The following NLGN1 variants were observed in gnomAD, a reference collection of about 807,000 sequenced individuals.
NLGN1 encodes neuroligin 1.
Under a neutral mutation model 65.5 loss-of-function variants are expected in NLGN1, and 12 were observed. That is an observed-to-expected ratio of 0.18 (90% confidence interval 0.12 to 0.30). The LOEUF (loss-of-function observed/expected upper bound fraction) is 0.30. NLGN1 is among the 10% of genes least tolerant of loss of function. The pLI is 1.00. For missense variants in NLGN1, 750 were observed against 1,007.1 expected, an observed-to-expected ratio of 0.74 and a Z score of 3.46; for synonymous variants, 350 against 359.5, an observed-to-expected ratio of 0.97 and a Z score of 0.30.
At chr3:173,924,149 T>A (rs753329923) in intron 4 of NLGN1, among the ~76,000 whole-genome samples, 4 of 152,136 alleles carry the variant, frequency 2.6e-5, no homozygotes, top group Non-Finnish European at 5.9e-5. Flanking sequence ...TTAGTAATCA[T>A]CAAATGTATT....
chr3:174,096,045 A>G (rs1745465786), intron 4 of NLGN1, among the ~76,000 whole-genome samples: 1 of 151,806 alleles, frequency 6.6e-6, no homozygotes, highest in Non-Finnish European at 1.5e-5. Context: ...ATAATTTTAT[A>G]AACACCATCA....
At chr3:173,559,968 G>A (rs1381184078) in intron 2 of NLGN1, among the ~76,000 whole-genome samples, 2 of 125,570 alleles carry the variant, frequency 1.6e-5, no homozygotes, top group Admixed American at 9.4e-5. Flanking sequence ...TTTTTGAGAC[G>A]AGTCTCGCTC....
intron 4 of NLGN1, among the ~76,000 whole-genome samples, chr3:174,227,447 A>G (rs2152812929): frequency 6.6e-6 from 1 of 151,960 alleles, no homozygotes; most frequent in African/African-American, 2.4e-5. Context: ...CAGGATTCAA[A>G]CACAATTCTC....
chr3:174,201,825 A>C (rs1249453834), intron 4 of NLGN1, among the ~76,000 whole-genome samples: 2 of 152,086 alleles, frequency 1.3e-5, no homozygotes, highest in African/African-American at 4.8e-5. Flanking sequence ...GTTCCACAGC[A>C]CTTATTTCCC....
chr3:173,743,417 T>G (rs1774930286), intron 3 of NLGN1, among the ~76,000 whole-genome samples: 2 of 152,086 alleles, frequency 1.3e-5, no homozygotes, highest in South Asian at 4.1e-4. Context: ...TTATATTATA[T>G]TATATTTTCT....
chr3:174,292,281 T>C, the NLGN1 span, among the ~76,000 whole-genome samples: 1 of 151,256 alleles, frequency 6.6e-6, no homozygotes, highest in East Asian at 1.9e-4. Context: ...CATTTCTTAC[T>C]GTAAAAAATT....
At chr3:174,043,406 G>A (rs537302078) in intron 4 of NLGN1, among the ~76,000 whole-genome samples, 23 of 152,276 alleles carry the variant, frequency 1.5e-4, no homozygotes, top group African/African-American at 5.1e-4. Flanking sequence ...TTCCCCCGAT[G>A]AGCCTGCAAC....
In NLGN1 at chr3:174,024,648, C is replaced by T. The variant is rs545620337; in HGVS notation, c.646+216816C>T. Among the ~76,000 whole-genome samples, 10 of 152,294 alleles carry T rather than the reference C, an allele frequency of 6.6e-5. 1 individual carries two copies. In the South Asian group the frequency reaches 2.1e-3, roughly 32 times the overall value. On this transcript the variant is annotated intron_variant, in intron 4 of 6. Transcript: ENST00000457714. Reference sequence around the variant, plus strand: ...AATAAAAAATAGTCATTATTCAGTGCTGTGGAAGGCTCTGAAGTCTTCTAT... The same window carrying T: ...AATAAAAAATAGTCATTATTCAGTGTTGTGGAAGGCTCTGAAGTCTTCTAT...
chr3:173,603,450 T>G (rs1750878808), intron 2 of NLGN1, among the ~76,000 whole-genome samples: 1 of 42,256 alleles, frequency 2.4e-5, no homozygotes, highest in Non-Finnish European at 8.6e-5. Context: ...TCCTTTGATC[T>G]CTAACAGACA....
intron 3 of NLGN1, among the ~76,000 whole-genome samples, chr3:173,794,583 G>A (rs919405464): frequency 1.3e-5 from 2 of 152,008 alleles, no homozygotes; most frequent in African/African-American, 2.4e-5. Flanking sequence ...AGTGTGAAAG[G>A]GTTTATAGAG....
intron 2 of NLGN1, among the ~76,000 whole-genome samples, chr3:173,463,008 T>C (rs1723663030): frequency 6.6e-6 from 1 of 152,164 alleles, no homozygotes; most frequent in South Asian, 2.1e-4. Context: ...GTAACTCTGG[T>C]CATGCTGAAT....
intron 3 of NLGN1, among the ~76,000 whole-genome samples, chr3:173,667,722 T>C (rs953276749): frequency 6.6e-6 from 1 of 152,116 alleles, no homozygotes; most frequent in Non-Finnish European, 1.5e-5. Context: ...CTCCGCCTCC[T>C]GGGTTCAAGT....
At chr3:173,703,020 T>C (rs1767487409) in intron 3 of NLGN1, among the ~76,000 whole-genome samples, 1 of 152,138 alleles carries the variant, frequency 6.6e-6, no homozygotes, top group African/African-American at 2.4e-5. Context: ...AAAGATAGTG[T>C]TTCCTCTGTG....
At chr3:173,962,171 C>T (rs959733551) in intron 4 of NLGN1, among the ~76,000 whole-genome samples, 2 of 152,050 alleles carry the variant, frequency 1.3e-5, no homozygotes, top group African/African-American at 4.8e-5. Flanking sequence ...TATTTTTAGT[C>T]TGCCTTCATC....
chr3:174,268,121 A>C (rs569743822), intron 4 of NLGN1, among the ~76,000 whole-genome samples: 1 of 152,310 alleles, frequency 6.6e-6, no homozygotes, highest in East Asian at 1.9e-4. Context: ...CATGCTTCGA[A>C]GTGCACTATG....
Position 174,095,232 on chromosome 3 carries a change from A to G in NLGN1, c.647-180083A>G, listed in dbSNP as rs567925186. Among the ~76,000 whole-genome samples the G allele has an allele frequency of 6.6e-5, 10 of 150,934 alleles. No individual in the cohort carries two copies. In the East Asian group the frequency reaches 1.9e-3, roughly 29 times the overall value. Reference sequence around the variant, plus strand: ...AGAAATTTTAAAAACTAAAAAAAAAAAAAACCATAAAGTTGCTTTATGAAA... The same window carrying G: ...AGAAATTTTAAAAACTAAAAAAAAAGAAAACCATAAAGTTGCTTTATGAAA... On this transcript the variant is annotated intron_variant, in intron 4 of 6. Transcript: ENST00000457714.
At chr3:173,648,252 C>T (rs1338597054) in intron 3 of NLGN1, among the ~76,000 whole-genome samples, 1 of 152,070 alleles carries the variant, frequency 6.6e-6, no homozygotes, top group Non-Finnish European at 1.5e-5. Context: ...AATAATATAT[C>T]TGTAAAGGAT....
chr3:174,140,854 A>G (rs1404034808), intron 4 of NLGN1, among the ~76,000 whole-genome samples: 1 of 152,186 alleles, frequency 6.6e-6, no homozygotes, highest in Non-Finnish European at 1.5e-5. Context: ...TTTATAGCCA[A>G]AAGTTGAATA....
intron 3 of NLGN1, among the ~76,000 whole-genome samples, chr3:173,675,864 CTTTG>C (rs140678025): frequency 3.5e-5 from 4 of 113,154 alleles, no homozygotes; most frequent in South Asian, 3.1e-4. Context: ...TTCTCTCTCT[CTTTG>C]TCTCTCTCTC....
Sources: gnomAD v4.1 joint callset for allele counts (sites outside exome capture counted in the v4.1 genomes callset) on GRCh38, gnomAD v4.1.1 for gene constraint, MANE v1.5 for transcripts, NCBI Gene and HGNC (gene_info 2026-07-23, HGNC 2026-07-21) for gene names.